The following SYT10 variants were observed in gnomAD, a reference collection of about 807,000 sequenced individuals.
The protein encoded by SYT10 is synaptotagmin 10.
Under a neutral mutation model 51.1 loss-of-function variants are expected in SYT10, and 31 were observed. The observed-to-expected ratio is 0.61, with a 90% CI of 0.46 to 0.82. SYT10 has a LOEUF of 0.82. Ranked by LOEUF, SYT10 falls within the 40% of genes least tolerant of loss-of-function variation. SYT10 has a pLI of 0.00. For missense variants in SYT10, 603 were observed against 634.0 expected (o/e 0.95, Z 0.53); for synonymous variants, 233 against 225.9 (o/e 1.03, Z -0.28).
intron 2 of SYT10, among the ~76,000 whole-genome samples, chr12:33,412,373 T>C (rs2138420354): frequency 6.6e-6 from 1 of 151,888 alleles, no homozygotes; most frequent in Non-Finnish European, 1.5e-5. Flanking sequence ...GTTTAAACTA[T>C]TGCCATGACA....
intron 3 of SYT10, chr12:33,406,038 T>C (rs1335734402): frequency 1.3e-5 from 2 of 152,028 alleles, no homozygotes; most frequent in Admixed American, 6.5e-5. Flanking sequence ...TAGTATGGTC[T>C]TAATATTTTA....
intron 1 of SYT10, among the ~76,000 whole-genome samples, chr12:33,428,907 G>GAAAA (rs142029382): frequency 5.2e-5 from 5 of 95,426 alleles, no homozygotes; most frequent in African/African-American, 1.7e-4. Flanking sequence ...CTCTGCTTCA[G>GAAAA]AAAAAAAAAA....
intron 2 of SYT10, among the ~76,000 whole-genome samples, chr12:33,409,523 T>G (rs113595148): frequency 6.6e-6 from 1 of 151,350 alleles, no homozygotes; most frequent in Admixed American, 6.6e-5. Flanking sequence ...CTTTTCTTTT[T>G]TTTTTTTTGA....
intron 3 of SYT10, among the ~76,000 whole-genome samples, chr12:33,386,591 C>T (rs112697269): frequency 3.9e-5 from 6 of 152,066 alleles, no homozygotes; most frequent in Non-Finnish European, 7.4e-5. Flanking sequence ...GCAGTGGGGT[C>T]TTCTCCCATC....
At chr12:33,404,690 C>T (rs1866336612) in intron 3 of SYT10, among the ~76,000 whole-genome samples, 1 of 152,170 alleles carries the variant, frequency 6.6e-6, no homozygotes, top group South Asian at 2.1e-4. Flanking sequence ...CCACACCTGG[C>T]CCCATGTTAG....
At chr12:33,387,980 C>A (rs572391893) in intron 3 of SYT10, among the ~76,000 whole-genome samples, 1 of 152,122 alleles carries the variant, frequency 6.6e-6, no homozygotes, top group Non-Finnish European at 1.5e-5. Flanking sequence ...TGGGCTTAAG[C>A]ATCTACCTGC....
chr12:33,407,476 T>G, intron 2 of SYT10, 120 bp from the exon 3 acceptor site: 1 of 1,005,308 alleles, frequency 9.9e-7, no homozygotes, highest in Middle Eastern at 2.1e-4. Context: ...TATATCTACA[T>G]AGATAGACAC....
chr12:33,405,185 A>G (rs1273224601), intron 3 of SYT10: 2 of 152,278 alleles, frequency 1.3e-5, no homozygotes, highest in East Asian at 1.9e-4. Context: ...ATATATAGGT[A>G]AATATTTGTT....
intron 2 of SYT10, among the ~76,000 whole-genome samples, chr12:33,416,328 C>A (rs371165735): frequency 1.3e-5 from 2 of 151,984 alleles, no homozygotes; most frequent in East Asian, 3.9e-4. Context: ...GGCAATCCAC[C>A]CACCTCAGCC....
At chr12:33,427,258 T>C (rs1263247550) in intron 1 of SYT10, among the ~76,000 whole-genome samples, 2 of 152,032 alleles carry the variant, frequency 1.3e-5, no homozygotes, top group African/African-American at 2.4e-5. Flanking sequence ...CCAAGGGTGC[T>C]CTTTCGCCCT....
In SYT10 at chr12:33,415,402, T is replaced by C. The variant is rs1866444234; in HGVS notation, c.510-8046A>G. Among the ~76,000 whole-genome samples, 3 of 152,320 alleles carry C rather than the reference T, an allele frequency of 2.0e-5. No individual in the cohort carries two copies. The South Asian group carries it at 6.2e-4, about 32-fold the overall frequency. Reference sequence around the variant, plus strand: ...CAGAGACAGCTCAAAGTCATTTCTATGTGAGCATGTCGTGGACCACCTCCC... The same window carrying C: ...CAGAGACAGCTCAAAGTCATTTCTACGTGAGCATGTCGTGGACCACCTCCC... On this transcript the variant is annotated intron_variant, in intron 2 of 6. Coordinates refer to ENST00000228567, the MANE Select transcript of SYT10 (RefSeq NM_198992.4).
chr12:33,438,588 T>G (rs371550453), intron 1 of SYT10, among the ~76,000 whole-genome samples: 1 of 152,170 alleles, frequency 6.6e-6, no homozygotes, highest in Non-Finnish European at 1.5e-5. Context: ...GATATCCTCC[T>G]GCATCCAGCC....
intron 2 of SYT10, among the ~76,000 whole-genome samples, chr12:33,417,332 A>C (rs1866463117): frequency 6.6e-6 from 1 of 152,132 alleles, no homozygotes; most frequent in Admixed American, 6.6e-5. Flanking sequence ...CTTTATAAGA[A>C]GAGGAAGAGA....
At chr12:33,407,573 A>G (rs1866369962) in intron 2 of SYT10, among the ~76,000 whole-genome samples, 1 of 152,212 alleles carries the variant, frequency 6.6e-6, no homozygotes, top group Non-Finnish European at 1.5e-5. Flanking sequence ...AACATCTGAA[A>G]CACTTAAATG....
intron 2 of SYT10, among the ~76,000 whole-genome samples, chr12:33,424,538 G>C (rs1041164403): frequency 2.6e-5 from 4 of 151,976 alleles, no homozygotes; most frequent in Admixed American, 2.0e-4. Context: ...ATCATATGTG[G>C]CCAAAGTTTT....
At chr12:33,397,796 T>C (rs1866269617) in intron 3 of SYT10, among the ~76,000 whole-genome samples, 1 of 151,732 alleles carries the variant, frequency 6.6e-6, no homozygotes, top group Admixed American at 6.6e-5. Flanking sequence ...GAAGAGAATA[T>C]GAATCTGAGT....
At chr12:33,417,749 G>A (rs1866467120) in intron 2 of SYT10, among the ~76,000 whole-genome samples, 1 of 152,190 alleles carries the variant, frequency 6.6e-6, no homozygotes, top group Non-Finnish European at 1.5e-5. Flanking sequence ...TTCAGCTAGG[G>A]CTGTGGTTTT....
chr12:33,426,995 G>T (rs1213422448), intron 1 of SYT10, among the ~76,000 whole-genome samples: 2 of 152,160 alleles, frequency 1.3e-5, no homozygotes, highest in East Asian at 3.8e-4. Flanking sequence ...GACACTATTA[G>T]TTACATTTTT....
intron 6 of SYT10, 71 bp downstream of exon 6, chr12:33,379,761 G>A: frequency 6.4e-7 from 1 of 1,569,608 alleles, no homozygotes; most frequent in Non-Finnish European, 8.7e-7. Context: ...TCAGATAAAG[G>A]TTAGCAAATA....
Sources: allele counts gnomAD v4.1 joint callset (sites outside exome capture counted in the v4.1 genomes callset), GRCh38; gene constraint gnomAD v4.1.1; transcripts MANE v1.5; gene names NCBI Gene and HGNC (gene_info 2026-07-23, HGNC 2026-07-21).